SNAPC3: variants seen among roughly 807,000 people sequenced by gnomAD.
The protein encoded by SNAPC3 is snRNA-activating protein complex subunit 3.
A neutral mutation model predicts 47.7 loss-of-function variants in SNAPC3; 56 were observed. The observed-to-expected ratio is 1.18, with a 90% CI of 0.95 to 1.47. SNAPC3 has a LOEUF of 1.47. SNAPC3 is among the 40% of genes most tolerant of loss of function. SNAPC3 has a pLI of 0.00. For missense variants in SNAPC3, 665 were observed against 511.3 expected (o/e 1.30, Z -2.90); for synonymous variants, 235 against 189.9 (o/e 1.24, Z -1.95).
At chr9:15,426,072 C>T (rs1465057131) in intron 2 of SNAPC3, among the ~76,000 whole-genome samples, 1 of 152,134 alleles carries the variant, frequency 6.6e-6, no homozygotes, top group Non-Finnish European at 1.5e-5. Flanking sequence ...GGTCAGGCTC[C>T]ATGTTGGCCA....
At chr9:15,449,983 T>C (rs1050863010) in intron 5 of SNAPC3, among the ~76,000 whole-genome samples, 2 of 152,218 alleles carry the variant, frequency 1.3e-5, no homozygotes, top group Non-Finnish European at 2.9e-5. Context: ...GATGAAGTTT[T>C]ATGGCAGTGT....
chr9:15,444,706 G>T lies in SNAPC3; in HGVS notation c.582G>T (p.Lys194Asn), dbSNP rs1192283111. The change falls in exon 4 of 9, where the codon AAG becomes AAT. Residue 194 changes from lysine to asparagine, a missense_variant and splice_region_variant. Lys to Asn is a moderately conservative substitution (Grantham distance 94). Transcript: ENST00000380821. ...TCTTGTACCCTGTTATATTTCATAA[G>T]GTAAGTAGTAAAACCTTTTGGATTT... Reference protein sequence around the residue: ...VNILYPVIFHKHKEHKPYQTM... With the variant: ...VNILYPVIFHNHKEHKPYQTM... 1 of 1,516,250 alleles carries T rather than the reference G, an allele frequency of 6.6e-7. No homozygotes were observed. Among genetic ancestry groups the T allele is most frequent in the Non-Finnish European group, 9.1e-7 (1 of 1,097,910 alleles). The allele number at this position is 1,516,250 out of a possible 1,614,324, so 93.9% of individuals were successfully genotyped here.
rs1180426854 is a variant in SNAPC3, at chr9:15,430,606, A to G, written c.393-2946A>G. Among the ~76,000 whole-genome samples, 3 of 152,214 alleles carry G rather than the reference A, an allele frequency of 2.0e-5. No individual in the cohort carries two copies. The East Asian group carries it at 5.8e-4, about 29-fold the overall frequency. ...AATTTATACCAAAGGTACCCCTCCA[A>G]CAATATGAAAATACATGTGTTCAAT... On this transcript the variant is annotated intron_variant, in intron 2 of 8. Transcript: ENST00000380821.
chr9:15,457,915 TTAA>T (rs1415020344), intron 7 of SNAPC3, 42 bp from the exon 8 acceptor site: 10 of 1,168,258 alleles, frequency 8.6e-6, no homozygotes, highest in African/African-American at 1.6e-5. Context: ...AATTTGTCAC[TTAA>T]TATTTGTCAC....
Position 15,453,036 on chromosome 9 carries a change from C to CA in SNAPC3, c.816-5_816-4insA. The CA allele has an allele frequency of 6.2e-7, 1 of 1,605,656 alleles. No homozygotes were observed. Among genetic ancestry groups the CA allele is most frequent in the Non-Finnish European group, 8.5e-7 (1 of 1,176,766 alleles). ...ATGATATATCCTTGCCTTTTCCCCC[C>CA]TCAGAACTATCATTGAGTGGTCAGA... On this transcript the variant is annotated splice_region_variant and splice_polypyrimidine_tract_variant and intron_variant, in intron 6 of 8. Coordinates refer to ENST00000380821, the MANE Select transcript of SNAPC3 (RefSeq NM_001039697.2).
chr9:15,424,936 C>T (rs180761193), intron 2 of SNAPC3, among the ~76,000 whole-genome samples: 1 of 152,274 alleles, frequency 6.6e-6, no homozygotes, highest in African/African-American at 2.4e-5. Flanking sequence ...ACACCTGGAG[C>T]ACTGTGCAAG....
At chr9:15,449,440 C>T (rs1231454603) in intron 5 of SNAPC3, among the ~76,000 whole-genome samples, 3 of 149,704 alleles carry the variant, frequency 2.0e-5, no homozygotes, top group African/African-American at 4.9e-5. Context: ...CTGATAGCTT[C>T]GGAAGTTTTT....
chr9:15,429,217 G>C (rs1223916345), intron 2 of SNAPC3, among the ~76,000 whole-genome samples: 6 of 151,812 alleles, frequency 4.0e-5, no homozygotes, highest in Non-Finnish European at 7.4e-5. Context: ...GCTCAATGAA[G>C]GTGTGAATTG....
chr9:15,465,544 C>G (rs922920368), downstream of SNAPC3: 9 of 1,583,096 alleles, frequency 5.7e-6, no homozygotes, highest in Admixed American at 6.8e-5. Flanking sequence ...TAGAATCCTT[C>G]AGAGATATTT....
chr9:15,422,941 T>C lies in SNAPC3; in HGVS notation c.62T>C (p.Val21Ala), dbSNP rs1288340387. 1 of 1,537,154 alleles carries C rather than the reference T, an allele frequency of 6.5e-7. No individual in the cohort carries two copies. The highest frequency in any genetic ancestry group is 2.3e-5 in the Admixed American group (1 of 42,870). Residue 21 changes from valine to alanine, a missense_variant, in exon 1 of 9, where the codon GTC (valine) becomes GCC (alanine). By Grantham distance (64) the Val-to-Ala change is moderately conservative. Coordinates refer to ENST00000380821, the MANE Select transcript of SNAPC3 (RefSeq NM_001039697.2). ...CSGVGGRQDP[V>A]SGSGGCNFPE... The stretch of plus-strand genomic sequence containing the variant: ...GGGGTGGGTGGCAGGCAGGACCCAG[T>C]CTCCGGCAGTGGCGGCTGCAACTTT...
At chr9:15,435,257 G>T (rs2032649823) in intron 3 of SNAPC3, among the ~76,000 whole-genome samples, 1 of 152,028 alleles carries the variant, frequency 6.6e-6, no homozygotes, top group African/African-American at 2.4e-5. Context: ...TTTCAAATTG[G>T]GTTGTTTATC....
intron 3 of SNAPC3, among the ~76,000 whole-genome samples, chr9:15,442,909 C>T (rs571969401): frequency 6.6e-6 from 1 of 152,372 alleles, no homozygotes; most frequent in East Asian, 1.9e-4. Context: ...GAGACTCCGT[C>T]TGCAATCCCG....
chr9:15,434,454 C>G (rs1314957227), intron 3 of SNAPC3, among the ~76,000 whole-genome samples: 1 of 149,634 alleles, frequency 6.7e-6, no homozygotes, highest in Non-Finnish European at 1.5e-5. Flanking sequence ...GTCGCCCAGG[C>G]TGGAGTGCAG....
downstream of SNAPC3, chr9:15,465,909 A>G (rs891822437): frequency 8.9e-6 from 2 of 225,146 alleles, no homozygotes; most frequent in Non-Finnish European, 1.7e-5. Flanking sequence ...TATCTGTGAT[A>G]CCAACATATT....
intron 8 of SNAPC3, among the ~76,000 whole-genome samples, chr9:15,458,469 GT>G (rs2034967296): frequency 6.6e-6 from 1 of 152,154 alleles, no homozygotes; most frequent in African/African-American, 2.4e-5. Flanking sequence ...AGAAAACCTT[GT>G]TTAATCCAAA....
intron 3 of SNAPC3, among the ~76,000 whole-genome samples, chr9:15,441,650 G>A (rs10962036): frequency 0.7 from 106,268 of 151,618 alleles, 39,549 homozygotes; most frequent in Admixed American, 0.82. Flanking sequence ...ATCTTGCACC[G>A]CCCTTAATCC....
downstream of SNAPC3, chr9:15,463,686 A>G (rs533017545): frequency 4.7e-5 from 7 of 149,898 alleles, no homozygotes; most frequent in Admixed American, 6.6e-5. Context: ...AAATCAGCCT[A>G]TGACACCATT....
intron 2 of SNAPC3, among the ~76,000 whole-genome samples, chr9:15,428,602 T>C (rs2031757184): frequency 6.6e-6 from 1 of 151,836 alleles, no homozygotes; most frequent in Admixed American, 6.6e-5. Flanking sequence ...AATGTTTACC[T>C]TGGCTTAGAA....
downstream of SNAPC3, chr9:15,462,330 T>TAATC (rs930574488): frequency 6.6e-6 from 1 of 152,218 alleles, no homozygotes; most frequent in African/African-American, 2.4e-5. Context: ...GGAGAAAAGT[T>TAATC]AATCAACCAG....
Sources: allele counts gnomAD v4.1 joint callset (sites outside exome capture counted in the v4.1 genomes callset), GRCh38; gene constraint gnomAD v4.1.1; transcripts MANE v1.5; gene names NCBI Gene and HGNC (gene_info 2026-07-23, HGNC 2026-07-21).